Variants in ZFHX3 observed in about 807,000 individuals in gnomAD.
The protein encoded by ZFHX3 is zinc finger homeobox protein 3.
In ZFHX3, 42 loss-of-function variants were observed where a neutral mutation model predicts 279.1. The ratio of observed to expected loss-of-function variants is 0.15; its 90% CI spans 0.12 to 0.19. The LOEUF (loss-of-function observed/expected upper bound fraction) is 0.19. ZFHX3 is among the 10% of genes least tolerant of loss of function. The pLI is 1.00. For missense variants in ZFHX3, 4,981 were observed against 4,754.0 expected, an observed-to-expected ratio of 1.05 and a Z score of -1.40; for synonymous variants, 2,293 against 1,957.8, an observed-to-expected ratio of 1.17 and a Z score of -4.52.
rs181488636 is a variant in ZFHX3, at chr16:73,425,317, G to A, written c.-1291+30686C>T. On this transcript the variant is annotated intron_variant, in intron 3 of 17. Coordinates refer to the ZFHX3 transcript ENST00000641206. Reference sequence around the variant, plus strand: ...CCACTTGCAGGTACCCAGACAGCTCGGCCCTTACAGAATGATTATAGAAAT... The same window carrying A: ...CCACTTGCAGGTACCCAGACAGCTCAGCCCTTACAGAATGATTATAGAAAT... Among the ~76,000 whole-genome samples the A allele has an allele frequency of 3.9e-5, 6 of 152,230 alleles. No homozygotes were observed. The South Asian group carries it at 6.2e-4, about 16-fold the overall frequency.
chr16:73,822,428 T>C (rs556266384), intron 1 of ZFHX3, among the ~76,000 whole-genome samples: 188 of 152,312 alleles, frequency 1.2e-3, no homozygotes, highest in African/African-American at 4.4e-3. Context: ...GGTCCTAAAA[T>C]ACAATTAGTT....
At chr16:73,516,103 T>C (rs1398381538) in intron 2 of ZFHX3, among the ~76,000 whole-genome samples, 1 of 152,222 alleles carries the variant, frequency 6.6e-6, no homozygotes. Flanking sequence ...ATGGGTTCTT[T>C]TAAGAATACC....
rs964078888 is a variant in ZFHX3, at chr16:73,878,964, T to G, written c.-1608+12687A>C. On this transcript the variant is annotated intron_variant, in intron 1 of 17. Transcript: ENST00000641206. ...AGATATATATATATATATATATATA[T>G]AGTTGTGGAAACATCAGTTCCTATT... 1.8e-4 allele frequency among the ~76,000 whole-genome samples: 26 copies of G among 148,398 alleles called. No individual in the cohort carries two copies. In the Admixed American group the frequency reaches 1.8e-3, roughly 10 times the overall value.
intron 3 of ZFHX3, among the ~76,000 whole-genome samples, chr16:72,904,819 C>A (rs1182211830): frequency 1.3e-5 from 2 of 151,936 alleles, no homozygotes; most frequent in East Asian, 3.9e-4. Flanking sequence ...CAGGGCCCAC[C>A]ACAAAGCATT....
chr16:73,131,136 G>C (rs1217378439), intron 6 of ZFHX3: 3 of 490,668 alleles, frequency 6.1e-6, no homozygotes, highest in South Asian at 4.8e-5. Context: ...TTCTAGGGTT[G>C]ACATGAGAAT....
rs1208403613 is a variant in ZFHX3, at chr16:73,695,244, T to TTG, written c.-1607-15005_-1607-15004insCA. ...TAATTCAAATACAGTTTTTTTTTGT[T>TTG]TTTTTTTTTTGAGATGGGGTCTTCC... On this transcript the variant is annotated intron_variant, in intron 1 of 17. Transcript: ENST00000641206. 2.0e-5 allele frequency among the ~76,000 whole-genome samples: 3 copies of TTG among 150,504 alleles called. No individual in the cohort carries two copies. The East Asian group carries it at 5.8e-4, about 29-fold the overall frequency.
intron 2 of ZFHX3, among the ~76,000 whole-genome samples, chr16:73,494,056 G>C (rs900594994): frequency 4.0e-5 from 6 of 149,894 alleles, no homozygotes; most frequent in Admixed American, 2.0e-4. Flanking sequence ...CTTCCTCCCC[G>C]GTCTCCCTCA....
chr16:73,256,025 A>G (rs1397350850), intron 5 of ZFHX3, among the ~76,000 whole-genome samples: 1 of 152,194 alleles, frequency 6.6e-6, no homozygotes, highest in East Asian at 1.9e-4. Flanking sequence ...CCAACTTTAC[A>G]TAGCAAAATA....
At chr16:73,323,910 A>G (rs933044732) in intron 3 of ZFHX3, among the ~76,000 whole-genome samples, 1 of 152,198 alleles carries the variant, frequency 6.6e-6, no homozygotes, top group Non-Finnish European at 1.5e-5. Context: ...AGTGAATAAA[A>G]TATCTGTTTA....
chr16:73,321,328 C>A (rs1027967288), intron 3 of ZFHX3, among the ~76,000 whole-genome samples: 1 of 152,152 alleles, frequency 6.6e-6, no homozygotes, highest in Non-Finnish European at 1.5e-5. Context: ...CACTAGCTAG[C>A]CTGGTGACCT....
chr16:73,227,753 G>A (rs922084865), intron 5 of ZFHX3, among the ~76,000 whole-genome samples: 1 of 146,396 alleles, frequency 6.8e-6, no homozygotes, highest in African/African-American at 2.5e-5. Context: ...GGAGGCTGAG[G>A]CATGATAATC....
intron 1 of ZFHX3, among the ~76,000 whole-genome samples, chr16:73,041,566 A>T (rs965760598): frequency 6.6e-6 from 1 of 152,102 alleles, no homozygotes; most frequent in African/African-American, 2.4e-5. Flanking sequence ...GTCTTCATCA[A>T]TGCCCATCTC....
intron 3 of ZFHX3, among the ~76,000 whole-genome samples, chr16:73,443,344 G>A (rs902586298): frequency 1.3e-5 from 2 of 152,202 alleles, no homozygotes; most frequent in African/African-American, 4.8e-5. Context: ...TTAAAAAATA[G>A]ACAATTCCCA....
intron 1 of ZFHX3, among the ~76,000 whole-genome samples, chr16:73,685,791 G>C (rs1159982499): frequency 6.6e-6 from 1 of 152,162 alleles, no homozygotes; most frequent in Non-Finnish European, 1.5e-5. Flanking sequence ...AGCAGGCTGA[G>C]AGCAAACAGC....
intron 3 of ZFHX3, among the ~76,000 whole-genome samples, chr16:73,365,234 C>T (rs2016510588): frequency 1.3e-5 from 2 of 152,254 alleles, no homozygotes; most frequent in African/African-American, 4.8e-5. Flanking sequence ...TGCCCGTGCA[C>T]TTGCAATCAC....
chr16:72,917,795 ATTT>A (rs995720251), intron 3 of ZFHX3, among the ~76,000 whole-genome samples: 1 of 152,106 alleles, frequency 6.6e-6, no homozygotes, highest in Non-Finnish European at 1.5e-5. Flanking sequence ...CATTTCCAAA[ATTT>A]TTTTTACATA....
At chr16:73,752,192 A>T (rs1381979309) in intron 1 of ZFHX3, among the ~76,000 whole-genome samples, 2 of 152,050 alleles carry the variant, frequency 1.3e-5, no homozygotes, top group Admixed American at 6.5e-5. Flanking sequence ...CCCAAGGCCC[A>T]GGTAAATGTC....
intron 1 of ZFHX3, among the ~76,000 whole-genome samples, chr16:72,985,050 G>A (rs747622848): frequency 1.6e-4 from 24 of 151,598 alleles, no homozygotes; most frequent in Admixed American, 4.6e-4. Flanking sequence ...ACACCAACAC[G>A]CCCCCACAGG....
chr16:73,277,657 C>A (rs1185004268), intron 4 of ZFHX3, among the ~76,000 whole-genome samples: 1 of 152,212 alleles, frequency 6.6e-6, no homozygotes, highest in African/African-American at 2.4e-5. Context: ...TTCTGATTCA[C>A]TCATCTTTGA....
Sources: gnomAD v4.1 joint callset for allele counts (sites outside exome capture counted in the v4.1 genomes callset) on GRCh38, gnomAD v4.1.1 for gene constraint, MANE v1.5 for transcripts, NCBI Gene and HGNC (gene_info 2026-07-23, HGNC 2026-07-21) for gene names.